ZNF516: variants seen among roughly 807,000 people sequenced by gnomAD.
The protein encoded by ZNF516 is zinc finger protein 516.
In ZNF516, 19 loss-of-function variants were observed where a neutral mutation model predicts 79.7. The observed-to-expected ratio is 0.24, with a 90% confidence interval of 0.17 to 0.35. The LOEUF (loss-of-function observed/expected upper bound fraction) is 0.35, where lower values mean the gene tolerates loss of function less well. ZNF516 is among the 10% of genes least tolerant of loss of function. The probability of loss-of-function intolerance (pLI) is 1.00; values close to 1 mark genes in which losing one functional copy is unlikely to be tolerated. For synonymous variants in ZNF516, 877 were observed against 739.5 expected (o/e 1.19, Z -3.02); for missense variants, 1,678 against 1,679.5 (o/e 1.00, Z 0.02).
chr18:76,398,196 G>A lies in ZNF516; in HGVS notation c.1811-17893C>T, dbSNP rs545143498. The stretch of plus-strand genomic sequence containing the variant: ...TGTGAATCAAATGCTGAAGTGAATC[G>A]AATTCAAGTTGGCTTTCACGGCTAC... On this transcript the variant is annotated intron_variant, in intron 3 of 6. Transcript: ENST00000443185. Among the ~76,000 whole-genome samples, 18 of 152,236 alleles carry A rather than the reference G, an allele frequency of 1.2e-4. No individual in the cohort carries two copies. The South Asian group carries it at 3.3e-3, about 28-fold the overall frequency.
At chr18:76,473,679 T>C (rs895635834) in intron 1 of ZNF516, among the ~76,000 whole-genome samples, 8 of 151,688 alleles carry the variant, frequency 5.3e-5, no homozygotes, top group Non-Finnish European at 1.0e-4. Context: ...TGGGCGCCTG[T>C]AGTCCCAGCT....
chr18:76,421,705 C>G (rs965855217), intron 3 of ZNF516, among the ~76,000 whole-genome samples: 3 of 152,234 alleles, frequency 2.0e-5, no homozygotes, highest in African/African-American at 7.2e-5. Context: ...TTCACTATTA[C>G]AGAGGGCACT....
At chr18:76,491,681 G>A in intron 1 of ZNF516, 1 of 446,992 alleles carries the variant, frequency 2.2e-6, no homozygotes, top group African/African-American at 2.2e-5. Flanking sequence ...CCCACCCCGG[G>A]GCGGGCAGGT....
intron 3 of ZNF516, among the ~76,000 whole-genome samples, chr18:76,419,512 C>T (rs2075479340): frequency 6.6e-6 from 1 of 152,150 alleles, no homozygotes; most frequent in South Asian, 2.1e-4. Context: ...GGATATGATC[C>T]GGCTGCGTCC....
intron 1 of ZNF516, among the ~76,000 whole-genome samples, chr18:76,481,621 G>A (rs1280605938): frequency 1.3e-5 from 2 of 152,208 alleles, no homozygotes; most frequent in African/African-American, 4.8e-5. Flanking sequence ...TCGGGTAAAA[G>A]GGGATGGGAA....
chr18:76,429,382 C>T (rs535436148), intron 3 of ZNF516, among the ~76,000 whole-genome samples: 1 of 152,294 alleles, frequency 6.6e-6, no homozygotes, highest in South Asian at 2.1e-4. Context: ...GACCTAGAGC[C>T]GTGGCCTCCA....
intron 5 of ZNF516, 125 bp downstream of exon 5, chr18:76,371,342 G>GC (rs1327304018): frequency 2.4e-5 from 23 of 958,290 alleles, no homozygotes; most frequent in African/African-American, 6.5e-5. Flanking sequence ...CAGATGGCAG[G>GC]CCCCCCGCCG....
intron 3 of ZNF516, among the ~76,000 whole-genome samples, chr18:76,432,738 C>A (rs2075679090): frequency 6.6e-6 from 1 of 152,244 alleles, no homozygotes; most frequent in Non-Finnish European, 1.5e-5. Flanking sequence ...ACCAACCTCT[C>A]TCTAGGAAGC....
At chr18:76,427,084 C>T (rs1371141516) in intron 3 of ZNF516, among the ~76,000 whole-genome samples, 1 of 152,200 alleles carries the variant, frequency 6.6e-6, no homozygotes, top group Non-Finnish European at 1.5e-5. Context: ...AGAGAGAGAA[C>T]GGGCACAATG....
At chr18:76,453,661 A>T (rs969362701) in intron 2 of ZNF516, among the ~76,000 whole-genome samples, 1 of 152,262 alleles carries the variant, frequency 6.6e-6, no homozygotes, top group Non-Finnish European at 1.5e-5. Flanking sequence ...GCCTAAACTC[A>T]AAACTGTGGA....
At chr18:76,429,901 A>G (rs2075640994) in intron 3 of ZNF516, among the ~76,000 whole-genome samples, 1 of 152,176 alleles carries the variant, frequency 6.6e-6, no homozygotes, top group Non-Finnish European at 1.5e-5. Context: ...GAGGTTTCAA[A>G]ACAACATCAA....
intron 4 of ZNF516, among the ~76,000 whole-genome samples, 155 bp downstream of exon 4, chr18:76,378,700 G>C (rs1190758684): frequency 6.6e-6 from 1 of 152,248 alleles, no homozygotes; most frequent in African/African-American, 2.4e-5. Flanking sequence ...TCCTCGGCCA[G>C]GGCAAGGGAG....
intron 3 of ZNF516, among the ~76,000 whole-genome samples, chr18:76,382,053 A>T (rs1599153587): frequency 6.6e-6 from 1 of 152,128 alleles, no homozygotes; most frequent in Admixed American, 6.6e-5. Context: ...AATCGCTTGA[A>T]CCCAGGAGGT....
intron 1 of ZNF516, among the ~76,000 whole-genome samples, chr18:76,470,316 C>A (rs536880791): frequency 6.6e-6 from 1 of 152,254 alleles, no homozygotes; most frequent in South Asian, 2.1e-4. Flanking sequence ...GGATACAATT[C>A]TAATTCATAT....
chr18:76,489,564 T>C (rs1915034307), intron 1 of ZNF516, among the ~76,000 whole-genome samples: 1 of 148,534 alleles, frequency 6.7e-6, no homozygotes, highest in African/African-American at 2.5e-5. Context: ...CAGTCAATTT[T>C]GGTCTCTGGG....
intron 3 of ZNF516, among the ~76,000 whole-genome samples, chr18:76,398,925 C>G (rs528225644): frequency 6.6e-6 from 1 of 152,176 alleles, no homozygotes; most frequent in East Asian, 1.9e-4. Context: ...AAAAAAAAAT[C>G]AGGATCACTT....
At chr18:76,444,024 G>C (rs1301351544) in intron 2 of ZNF516, among the ~76,000 whole-genome samples, 2 of 152,224 alleles carry the variant, frequency 1.3e-5, no homozygotes, top group Non-Finnish European at 2.9e-5. Flanking sequence ...GTCCAGCACG[G>C]AACAGGCCCC....
At chr18:76,494,175 C>G (rs962479128) in intron 1 of ZNF516, among the ~76,000 whole-genome samples, 1 of 152,198 alleles carries the variant, frequency 6.6e-6, no homozygotes, top group Non-Finnish European at 1.5e-5. Context: ...CCCCACTCGG[C>G]TGCCATTTAA....
At chr18:76,402,027 G>C (rs544599922) in intron 3 of ZNF516, among the ~76,000 whole-genome samples, 1 of 152,084 alleles carries the variant, frequency 6.6e-6, no homozygotes, top group African/African-American at 2.4e-5. Flanking sequence ...GTACACGTGC[G>C]CGCATGTGTG....
Sources: gnomAD v4.1 joint callset for allele counts (sites outside exome capture counted in the v4.1 genomes callset) on GRCh38, gnomAD v4.1.1 for gene constraint, MANE v1.5 for transcripts, NCBI Gene and HGNC (gene_info 2026-07-23, HGNC 2026-07-21) for gene names.